The following LEMD1 variants were observed in gnomAD, a reference collection of about 807,000 sequenced individuals.
LEMD1 encodes the protein LEM domain-containing protein 1.
In LEMD1, 18 loss-of-function variants were observed where a neutral mutation model predicts 17.4. The observed-to-expected ratio is 1.04, with a 90% confidence interval of 0.72 to 1.54. The LOEUF (loss-of-function observed/expected upper bound fraction) is 1.54, where lower values mean the gene tolerates loss of function less well. LEMD1 is among the 40% of genes most tolerant of loss of function. The probability of loss-of-function intolerance (pLI) is 0.00; values close to 1 mark genes in which losing one functional copy is unlikely to be tolerated. For synonymous variants in LEMD1, 88 were observed against 77.8 expected, an observed-to-expected ratio of 1.13 and a Z score of -0.69; for missense variants, 195 against 210.4, an observed-to-expected ratio of 0.93 and a Z score of 0.45.
At chr1:205,406,097 G>A (rs1241895368) in intron 4 of LEMD1, among the ~76,000 whole-genome samples, 5 of 152,312 alleles carry the variant, frequency 3.3e-5, no homozygotes, top group Admixed American at 6.5e-5. Context: ...GCTGTGTGAG[G>A]TGTCAGTCTG....
intron 4 of LEMD1, among the ~76,000 whole-genome samples, chr1:205,396,939 G>A (rs983043613): frequency 4.6e-5 from 7 of 152,142 alleles, no homozygotes; most frequent in Non-Finnish European, 7.3e-5. Context: ...CTTTTCATAT[G>A]CATAATGTAT....
intron 1 of LEMD1, among the ~76,000 whole-genome samples, chr1:205,432,375 T>G (rs1038107966): frequency 1.3e-5 from 2 of 152,194 alleles, no homozygotes; most frequent in African/African-American, 4.8e-5. Context: ...GCTCCCAGGC[T>G]CTTTCCCCTC....
chr1:205,414,354 A>T (rs554508848), intron 4 of LEMD1, among the ~76,000 whole-genome samples: 1 of 152,132 alleles, frequency 6.6e-6, no homozygotes, highest in Non-Finnish European at 1.5e-5. Context: ...AGGCCAAGGC[A>T]AGAGGATCAC....
At chr1:205,412,541 C>T (rs1002458691) in intron 4 of LEMD1, among the ~76,000 whole-genome samples, 5 of 152,174 alleles carry the variant, frequency 3.3e-5, no homozygotes, top group African/African-American at 1.2e-4. Flanking sequence ...TACTACCTAT[C>T]TAGGCACTCA....
chr1:205,419,390 T>C lies in LEMD1; in HGVS notation c.83-38A>G, dbSNP rs527946901. ...TTGGAGAACAAATTAAATTGTTCTG[T>C]TTTTTGTATATGAGCCTACTAGGTT... is the stretch of plus-strand genomic sequence containing the variant. On this transcript the variant is annotated intron_variant, in intron 2 of 5. Coordinates refer to ENST00000367153, the MANE Select transcript of LEMD1 (RefSeq NM_001199050.2). 3.7e-6 allele frequency: 6 copies of C among 1,612,186 alleles called. No homozygotes were observed. In the African/African-American group the frequency reaches 4.0e-5, roughly 11 times the overall value.
intron 4 of LEMD1, among the ~76,000 whole-genome samples, chr1:205,401,805 AG>A (rs1178550062): frequency 6.6e-6 from 1 of 152,086 alleles, no homozygotes; most frequent in East Asian, 1.9e-4. Flanking sequence ...GGTAATGCCT[AG>A]GTTTTCTTCT....
rs186177117 is a variant in LEMD1 at position 205,390,288 on chromosome 1, G to T, written c.271-5924C>A. On this transcript the variant is annotated intron_variant, in intron 4 of 5. Coordinates refer to ENST00000367153, the MANE Select transcript of LEMD1 (RefSeq NM_001199050.2). ...GAGAATCGCTTGAACCTGGGAGGTGGAGGTTGCAGTGAGCCGAGATTACGC... is the reference window on the plus strand; with the variant it reads ...GAGAATCGCTTGAACCTGGGAGGTGTAGGTTGCAGTGAGCCGAGATTACGC... Among the ~76,000 whole-genome samples, 4 of 152,002 alleles carry T rather than the reference G, an allele frequency of 2.6e-5. No individual in the cohort carries two copies. The East Asian group carries it at 7.7e-4, about 29-fold the overall frequency.
chr1:205,388,910 A>G (rs1664182516), intron 4 of LEMD1, among the ~76,000 whole-genome samples: 1 of 152,146 alleles, frequency 6.6e-6, no homozygotes, highest in Non-Finnish European at 1.5e-5. Flanking sequence ...AATATTGCAT[A>G]TGACATTTTA....
intron 1 of LEMD1, chr1:205,435,942 G>A (rs1317218225): frequency 6.6e-6 from 1 of 152,264 alleles, no homozygotes; most frequent in Non-Finnish European, 1.5e-5. Flanking sequence ...GCCTCTGGGA[G>A]AAGATGCTGT....
At chr1:205,413,845 G>C (rs987479020) in intron 4 of LEMD1, among the ~76,000 whole-genome samples, 7 of 151,752 alleles carry the variant, frequency 4.6e-5, no homozygotes, top group Non-Finnish European at 5.9e-5. Flanking sequence ...GTAGAGACAG[G>C]GTTTCGCCAT....
chr1:205,407,805 T>C (rs143851275), intron 4 of LEMD1, among the ~76,000 whole-genome samples: 2 of 152,296 alleles, frequency 1.3e-5, no homozygotes, highest in East Asian at 1.9e-4. Flanking sequence ...CCTTAACCTG[T>C]GGGATCTGAC....
Position 205,389,037 on chromosome 1 carries a change from CTTT to C in LEMD1, c.271-4676_271-4674del, listed in dbSNP as rs61341380. ...AATCACCAAAAAGTACATTTGCTTT[CTTT>C]TTTTTTTTTTTTTTTTTTTTTTTTT... On this transcript the variant is annotated intron_variant, in intron 4 of 5. Transcript: ENST00000367153. Among the ~76,000 whole-genome samples the C allele has an allele frequency of 4.8e-3, 372 of 77,770 alleles. 1 individual carries two copies. The highest frequency in any genetic ancestry group is 0.017 in the African/African-American group (355 of 20,976). The allele number at this position is 77,770 out of a possible 152,430, so 51.0% of individuals were successfully genotyped here.
At chr1:205,417,034 A>G (rs1665725874) in intron 3 of LEMD1, among the ~76,000 whole-genome samples, 2 of 152,178 alleles carry the variant, frequency 1.3e-5, no homozygotes, top group South Asian at 4.1e-4. Flanking sequence ...CCATGAAAGG[A>G]GAAGGCTAAG....
intron 4 of LEMD1, among the ~76,000 whole-genome samples, chr1:205,394,066 A>G (rs1294853908): frequency 6.6e-6 from 1 of 152,204 alleles, no homozygotes; most frequent in East Asian, 1.9e-4. Context: ...GACAACATAG[A>G]TGAACCTCAA....
At chr1:205,418,585 G>A (rs754230966) in intron 3 of LEMD1, among the ~76,000 whole-genome samples, 10 of 152,096 alleles carry the variant, frequency 6.6e-5, no homozygotes, top group Non-Finnish European at 1.5e-4. Context: ...GTGCCATCTT[G>A]GCTCACTGCA....
intron 4 of LEMD1, among the ~76,000 whole-genome samples, chr1:205,391,329 T>C (rs1464728920): frequency 6.6e-6 from 1 of 151,840 alleles, no homozygotes; most frequent in Non-Finnish European, 1.5e-5. Flanking sequence ...AGCTTGAGAC[T>C]TAGGGAAGAC....
chr1:205,448,725 C>A lies in LEMD1; in HGVS notation c.-39+1143G>T, dbSNP rs1238206142. 2.0e-5 allele frequency among the ~76,000 whole-genome samples: 3 copies of A among 152,136 alleles called. No individual in the cohort carries two copies. The highest frequency in any genetic ancestry group is 1.3e-4 in the Admixed American group (2 of 15,262). On this transcript the variant is annotated intron_variant, in intron 1 of 3. Coordinates refer to the LEMD1 transcript ENST00000367154. This position sits in a 1 kb window ranked among gnomAD's most constrained non-coding sequence, Gnocchi z 4.7. ...CCCCTGCCCAGGGTCCTTAACTACCCCTTCCCTAGAGAATAAGGCCGGATC... is the reference window on the plus strand; with the variant it reads ...CCCCTGCCCAGGGTCCTTAACTACCACTTCCCTAGAGAATAAGGCCGGATC...
At chr1:205,419,175 A>G in intron 3 of LEMD1, 55 bp downstream of exon 3, 1 of 1,592,824 alleles carries the variant, frequency 6.3e-7, no homozygotes, top group South Asian at 1.1e-5. Flanking sequence ...ATCATGCTGG[A>G]CAAGGTATTA....
chr1:205,443,465 G>T (rs1469937598), intron 1 of LEMD1, among the ~76,000 whole-genome samples: 2 of 152,112 alleles, frequency 1.3e-5, no homozygotes, highest in Admixed American at 6.5e-5. Context: ...GGGGAGTGAG[G>T]TCACAGGAAC....
Sources: gnomAD v4.1 joint callset for allele counts (sites outside exome capture counted in the v4.1 genomes callset) on GRCh38, gnomAD v4.1.1 for gene constraint, Gnocchi (gnomAD v3.1) non-coding constraint, MANE v1.5 for transcripts, NCBI Gene and HGNC (gene_info 2026-07-23, HGNC 2026-07-21) for gene names.